The following RNF128 variants were observed in gnomAD, a reference collection of about 807,000 sequenced individuals.
RNF128 encodes the protein ring finger protein 128.
Under a neutral mutation model 26.2 loss-of-function variants are expected in RNF128, and 13 were observed. The observed-to-expected ratio is 0.50, with a 90% CI of 0.32 to 0.79. RNF128 has a LOEUF of 0.79. Ranked by LOEUF, RNF128 falls within the 30% of genes least tolerant of loss-of-function variation. The pLI, the probability that RNF128 is intolerant of heterozygous loss-of-function variation, is 0.03. For synonymous variants in RNF128, 149 were observed against 142.5 expected, an observed-to-expected ratio of 1.05 and a Z score of -0.32; for missense variants, 315 against 349.7, an observed-to-expected ratio of 0.90 and a Z score of 0.79.
At chrX:106,747,704 G>T (rs1292168056) in intron 1 of RNF128, among the ~76,000 whole-genome samples, 1 of 111,832 alleles carries the variant, frequency 8.9e-6, no homozygotes, top group Admixed American at 9.5e-5. Context: ...AAAACAATTT[G>T]TTATTTTACA....
chrX:106,707,888 C>T (rs1243893840), intron 1 of RNF128, among the ~76,000 whole-genome samples: 1 of 111,297 alleles, frequency 9.0e-6, no homozygotes, highest in African/African-American at 3.3e-5. Context: ...TGTAAAACAG[C>T]AGATTGATTG....
chrX:106,757,668 G>A (rs1460719628), intron 1 of RNF128, among the ~76,000 whole-genome samples: 3 of 99,955 alleles, frequency 3.0e-5, no homozygotes, highest in South Asian at 5.2e-4. Context: ...GCACCAGCAC[G>A]GCACATGTAT....
chrX:106,719,600 AC>A (rs1389074961), intron 1 of RNF128, among the ~76,000 whole-genome samples: 1 of 111,641 alleles, frequency 9.0e-6, no homozygotes, highest in Non-Finnish European at 1.9e-5. Flanking sequence ...ACTTCCTTCT[AC>A]AGCTCTTCTC....
chrX:106,752,087 C>A (rs1929901890), intron 1 of RNF128, among the ~76,000 whole-genome samples: 3 of 105,967 alleles, frequency 2.8e-5, no homozygotes, highest in East Asian at 3.1e-4. Flanking sequence ...CAGACCCTAC[C>A]TCCCAGACAG....
In RNF128 at chrX:106,777,774, A is replaced by G. The variant is rs752402392; in HGVS notation, c.732+4614A>G. Among the ~76,000 whole-genome samples, 207 of 111,321 alleles carry G rather than the reference A, an allele frequency of 1.9e-3. 3 individuals are homozygous for G. The highest frequency in any genetic ancestry group is 6.7e-3 in the African/African-American group (204 of 30,642). ...CGCTTGAGCCCAGGAGTTCCAGACC[A>G]ACCTGTGCAACATGGCAAAACCCTG... is the stretch of plus-strand genomic sequence containing the variant. On this transcript the variant is annotated intron_variant, in intron 2 of 6. Transcript: ENST00000255499.
rs148069056 is a variant in RNF128, at chrX:106,694,421, T to G, written c.406+13T>G. 54 of 1,151,399 alleles carry G rather than the reference T, an allele frequency of 4.7e-5. No individual in the cohort carries two copies. The African/African-American group carries it at 9.5e-4, about 20-fold the overall frequency. The allele number at this position is 1,151,399 out of a possible 1,213,427, so 94.9% of individuals were successfully genotyped here. On this transcript the variant is annotated intron_variant, in intron 1 of 6. Coordinates refer to the RNF128 transcript ENST00000324342. ...ATGGCAAATTTTGGTAAGTAATAAT[T>G]GATTCACAAAGAGAGTTAATGTCCG... is the stretch of plus-strand genomic sequence containing the variant.
chrX:106,725,330 T>C (rs1480427797), upstream of RNF128, among the ~76,000 whole-genome samples: 1 of 111,944 alleles, frequency 8.9e-6, no homozygotes, highest in East Asian at 2.8e-4. Flanking sequence ...TGTTGTTTGG[T>C]ATATGATGTT....
intron 1 of RNF128, among the ~76,000 whole-genome samples, chrX:106,739,134 T>C (rs756594947): frequency 2.0e-5 from 2 of 101,716 alleles, no homozygotes; most frequent in South Asian, 7.9e-4. Flanking sequence ...CCTTCCTTTT[T>C]TCCTTCCTTC....
intron 1 of RNF128, among the ~76,000 whole-genome samples, chrX:106,752,827 T>C (rs1478093517): frequency 2.7e-5 from 3 of 111,728 alleles, no homozygotes; most frequent in African/African-American, 9.8e-5. Flanking sequence ...GAGAAGGAAT[T>C]CAGAATTCTA....
At chrX:106,725,492 A>G (rs1351614357), upstream of RNF128, among the ~76,000 whole-genome samples, 1 of 112,139 alleles carries the variant, frequency 8.9e-6, no homozygotes, top group Non-Finnish European at 1.9e-5. Context: ...TGAGCTGCAT[A>G]AAGTAGACTG....
intron 1 of RNF128, among the ~76,000 whole-genome samples, chrX:106,755,048 C>T (rs753477949): frequency 7.2e-5 from 8 of 110,845 alleles, no homozygotes; most frequent in Non-Finnish European, 1.3e-4. Context: ...AAAGAGAAAA[C>T]CCAAATAGAT....
intron 1 of RNF128, among the ~76,000 whole-genome samples, chrX:106,731,914 G>A (rs774344167): frequency 9.0e-6 from 1 of 111,275 alleles, no homozygotes; most frequent in East Asian, 2.8e-4. Context: ...TTCCTAGTAT[G>A]CAGTTCTTCC....
intron 1 of RNF128, among the ~76,000 whole-genome samples, chrX:106,757,740 A>G (rs989144394): frequency 2.7e-5 from 3 of 110,687 alleles, no homozygotes. Flanking sequence ...ATAATAAAAA[A>G]ATAAATTTAA....
At chrX:106,710,224 A>C (rs757590862) in intron 1 of RNF128, among the ~76,000 whole-genome samples, 4 of 111,630 alleles carry the variant, frequency 3.6e-5, no homozygotes, top group Admixed American at 1.9e-4. Flanking sequence ...TTGATATACC[A>C]CTAGAATTTG....
At chrX:106,768,400 A>G (rs1930294448) in intron 1 of RNF128, among the ~76,000 whole-genome samples, 1 of 111,154 alleles carries the variant, frequency 9.0e-6, no homozygotes, top group Non-Finnish European at 1.9e-5. Flanking sequence ...AGAGGCTGTT[A>G]TTGGTCTATT....
At chrX:106,753,265 T>C (rs1161924432) in intron 1 of RNF128, among the ~76,000 whole-genome samples, 1 of 111,610 alleles carries the variant, frequency 9.0e-6, no homozygotes, top group Non-Finnish European at 1.9e-5. Context: ...ATAGACAGTA[T>C]AATAAGATAT....
At chrX:106,755,575 T>TG (rs1452226865) in intron 1 of RNF128, among the ~76,000 whole-genome samples, 1 of 111,770 alleles carries the variant, frequency 8.9e-6, no homozygotes, top group Non-Finnish European at 1.9e-5. Flanking sequence ...CATGATCAAG[T>TG]GGGATTTATC....
chrX:106,740,483 G>A (rs934579307), intron 1 of RNF128, among the ~76,000 whole-genome samples: 1 of 112,048 alleles, frequency 8.9e-6, no homozygotes, highest in African/African-American at 3.2e-5. Context: ...GTACCCATAT[G>A]TTTGCTCCTA....
intron 1 of RNF128, among the ~76,000 whole-genome samples, chrX:106,748,791 T>C (rs1252982580): frequency 9.0e-6 from 1 of 111,142 alleles, no homozygotes; most frequent in Non-Finnish European, 1.9e-5. Context: ...AGAAGTTGTA[T>C]AAGGGGCACA....
Sources: gnomAD v4.1 joint callset for allele counts (sites outside exome capture counted in the v4.1 genomes callset) on GRCh38, gnomAD v4.1.1 for gene constraint, MANE v1.5 for transcripts, NCBI Gene and HGNC (gene_info 2026-07-23, HGNC 2026-07-21) for gene names.